TMEM132D: variants seen among roughly 807,000 people sequenced by gnomAD.
TMEM132D encodes the protein mature OL transmembrane protein.
Under a neutral mutation model 62.3 loss-of-function variants are expected in TMEM132D, and 21 were observed. The ratio of observed to expected loss-of-function variants is 0.34; its 90% CI spans 0.24 to 0.49. The LOEUF (loss-of-function observed/expected upper bound fraction) is 0.49. Ranked by LOEUF, TMEM132D falls within the 20% of genes least tolerant of loss-of-function variation. The pLI, the probability that TMEM132D is intolerant of heterozygous loss-of-function variation, is 0.99. For synonymous variants in TMEM132D, 621 were observed against 575.6 expected (o/e 1.08, Z -1.13); for missense variants, 1,346 against 1,402.8 (o/e 0.96, Z 0.65).
intron 3 of TMEM132D, among the ~76,000 whole-genome samples, chr12:129,462,674 C>T (rs1873719215): frequency 6.6e-6 from 1 of 152,178 alleles, no homozygotes; most frequent in Admixed American, 6.5e-5. Flanking sequence ...CTTTGTTATA[C>T]AGAAATTGCT....
At chr12:129,231,603 C>T (rs1350231217) in intron 4 of TMEM132D, among the ~76,000 whole-genome samples, 4 of 152,048 alleles carry the variant, frequency 2.6e-5, no homozygotes, top group Non-Finnish European at 5.9e-5. Context: ...TTCATTAAGC[C>T]GGGCTTTGGC....
chr12:129,406,201 G>A (rs796778011), intron 3 of TMEM132D, among the ~76,000 whole-genome samples: 4 of 152,254 alleles, frequency 2.6e-5, no homozygotes, highest in African/African-American at 9.6e-5. Flanking sequence ...TTCACCAAGT[G>A]AATGAGACAC....
chr12:129,662,669 T>C (rs1317861627), intron 2 of TMEM132D, among the ~76,000 whole-genome samples: 1 of 151,892 alleles, frequency 6.6e-6, no homozygotes, highest in Non-Finnish European at 1.5e-5. Context: ...GGCACACGCC[T>C]GTAGTCCCAG....
At chr12:129,307,020 T>G (rs2135631942) in intron 4 of TMEM132D, among the ~76,000 whole-genome samples, 1 of 151,994 alleles carries the variant, frequency 6.6e-6, no homozygotes, top group Non-Finnish European at 1.5e-5. Flanking sequence ...CCTCAAATAT[T>G]TTAAGATTTG....
At chr12:129,111,784 A>G (rs1361264061) in intron 5 of TMEM132D, 1 of 152,206 alleles carries the variant, frequency 6.6e-6, no homozygotes, top group Non-Finnish European at 1.5e-5. Flanking sequence ...GCAATGCTAG[A>G]CAGTAATCTT....
At chr12:129,184,681 G>A (rs1055267554) in intron 5 of TMEM132D, among the ~76,000 whole-genome samples, 1 of 152,216 alleles carries the variant, frequency 6.6e-6, no homozygotes, top group Admixed American at 6.5e-5. Context: ...TGGCGCCTGC[G>A]GCTGTTTTCT....
At chr12:129,784,267 A>C (rs1346056736) in intron 1 of TMEM132D, among the ~76,000 whole-genome samples, 2 of 152,224 alleles carry the variant, frequency 1.3e-5, no homozygotes, top group Admixed American at 1.3e-4. Context: ...CTCTGAGTGG[A>C]GGAAGCTCAT....
intron 4 of TMEM132D, among the ~76,000 whole-genome samples, chr12:129,321,720 A>G (rs55668132): frequency 0.013 from 1,936 of 152,088 alleles, 39 homozygotes; most frequent in African/African-American, 0.041. Context: ...CACCACGCCC[A>G]GCTAATTTTT....
intron 3 of TMEM132D, among the ~76,000 whole-genome samples, chr12:129,487,936 C>CAAAA (rs58079383): frequency 1.8e-4 from 10 of 54,692 alleles, no homozygotes; most frequent in African/African-American, 5.7e-4. Flanking sequence ...GACTCCATCT[C>CAAAA]AAAAAAAAAA....
intron 3 of TMEM132D, among the ~76,000 whole-genome samples, chr12:129,518,141 T>C (rs1351897027): frequency 6.6e-6 from 1 of 152,146 alleles, no homozygotes; most frequent in Admixed American, 6.6e-5. Flanking sequence ...GACAGTTCCC[T>C]TCATGTTAAC....
At chr12:129,336,252 T>A (rs1593341713) in intron 4 of TMEM132D, among the ~76,000 whole-genome samples, 1 of 152,182 alleles carries the variant, frequency 6.6e-6, no homozygotes, top group East Asian at 1.9e-4. Context: ...ACTGAGATTT[T>A]TGTTTCTAGC....
intron 2 of TMEM132D, among the ~76,000 whole-genome samples, chr12:129,596,808 C>T (rs2137139419): frequency 6.6e-6 from 1 of 151,988 alleles, no homozygotes; most frequent in South Asian, 2.1e-4. Flanking sequence ...GTACCCATCA[C>T]CCCATCCACC....
intron 2 of TMEM132D, among the ~76,000 whole-genome samples, chr12:129,617,411 A>G (rs958085504): frequency 5.9e-5 from 9 of 152,276 alleles, no homozygotes; most frequent in Non-Finnish European, 1.3e-4. Flanking sequence ...CCAGCTGTTC[A>G]TCCATGAGAT....
chr12:129,664,974 T>C (rs1880339940), intron 2 of TMEM132D, among the ~76,000 whole-genome samples: 1 of 152,150 alleles, frequency 6.6e-6, no homozygotes, highest in Non-Finnish European at 1.5e-5. Flanking sequence ...TATTATGTGG[T>C]TGAGGATCAG....
intron 1 of TMEM132D, among the ~76,000 whole-genome samples, chr12:129,825,199 G>A (rs570702699): frequency 6.7e-6 from 1 of 149,222 alleles, no homozygotes; most frequent in Non-Finnish European, 1.5e-5. Context: ...TTTTTTTTTA[G>A]TAGAGATGGG....
intron 5 of TMEM132D, among the ~76,000 whole-genome samples, chr12:129,089,504 TCTATGACCGGGTG>T (rs1293816479): frequency 1.6e-5 from 1 of 61,950 alleles, no homozygotes; most frequent in Non-Finnish European, 3.6e-5. Flanking sequence ...CCGGGTGTCC[TCTATGACCGGGTG>T]TCCTCCATGA....
intron 4 of TMEM132D, among the ~76,000 whole-genome samples, chr12:129,237,986 A>G (rs1432334377): frequency 2.0e-5 from 3 of 152,280 alleles, no homozygotes; most frequent in Admixed American, 2.0e-4. Context: ...CTAGGCTCTC[A>G]CTTTTAGCAG....
rs184336691 is a variant in TMEM132D at position 129,409,392 on chromosome 12, A to G, written c.1116-71575T>C. 6.8e-3 allele frequency among the ~76,000 whole-genome samples: 1,039 copies of G among 152,280 alleles called. 14 individuals are homozygous for G. The highest frequency in any genetic ancestry group is 0.022 in the African/African-American group (934 of 41,552). ...TACATTCCCTTATACACACACACACATGCACGCACGCGCCTAGAAGAGGAC... is the reference window on the plus strand; with the variant it reads ...TACATTCCCTTATACACACACACACGTGCACGCACGCGCCTAGAAGAGGAC... On this transcript the variant is annotated intron_variant, in intron 3 of 8. Coordinates refer to ENST00000422113, the MANE Select transcript of TMEM132D (RefSeq NM_133448.3).
intron 1 of TMEM132D, among the ~76,000 whole-genome samples, chr12:129,752,523 T>C (rs1420268501): frequency 6.6e-6 from 1 of 152,196 alleles, no homozygotes; most frequent in Non-Finnish European, 1.5e-5. Flanking sequence ...TCCATGAGAT[T>C]TGGAAATTTG....
Sources: allele counts gnomAD v4.1 joint callset (sites outside exome capture counted in the v4.1 genomes callset), GRCh38; gene constraint gnomAD v4.1.1; transcripts MANE v1.5; gene names NCBI Gene and HGNC (gene_info 2026-07-23, HGNC 2026-07-21).